GABRB2: variants seen among roughly 807,000 people sequenced by gnomAD.
The protein encoded by GABRB2 is gamma-aminobutyric acid receptor subunit beta-2.
Under a neutral mutation model 54.7 loss-of-function variants are expected in GABRB2, and 16 were observed. The ratio of observed to expected loss-of-function variants is 0.29; its 90% CI spans 0.20 to 0.44. The LOEUF is 0.44. Among genes scored for constraint, GABRB2 ranks in the 20% least tolerant of loss-of-function variants. The pLI is 1.00. For synonymous variants in GABRB2, 244 were observed against 233.8 expected (o/e 1.04, Z -0.40); for missense variants, 355 against 644.0 (o/e 0.55, Z 4.86).
intron 4 of GABRB2, among the ~76,000 whole-genome samples, chr5:161,456,480 A>G (rs1201266392): frequency 6.6e-6 from 1 of 152,184 alleles, no homozygotes; most frequent in Non-Finnish European, 1.5e-5. Flanking sequence ...TGTTCCCTGC[A>G]TGCTCTCAGG....
At chr5:161,367,212 T>C (rs1262491720) in intron 5 of GABRB2, among the ~76,000 whole-genome samples, 3 of 152,200 alleles carry the variant, frequency 2.0e-5, no homozygotes, top group African/African-American at 7.2e-5. Context: ...TTCTTCAAAT[T>C]ATCATTTTGC....
At chr5:161,502,293 GATTA>G (rs1342437881) in intron 3 of GABRB2, among the ~76,000 whole-genome samples, 29 of 151,930 alleles carry the variant, frequency 1.9e-4, no homozygotes, top group African/African-American at 6.5e-4. Context: ...GATAAAAATA[GATTA>G]ATTAAAATAT....
upstream of GABRB2, chr5:161,546,778 G>A: frequency 1.4e-6 from 2 of 1,475,504 alleles, no homozygotes; most frequent in Non-Finnish European, 1.8e-6. Context: ...GGCGGCTGCC[G>A]GGGACCGAGC....
intron 3 of GABRB2, among the ~76,000 whole-genome samples, chr5:161,486,227 T>A (rs938549392): frequency 1.3e-5 from 2 of 151,614 alleles, no homozygotes; most frequent in Admixed American, 1.3e-4. Context: ...AGGCAAAGGG[T>A]CTTCCTCTTC....
intron 3 of GABRB2, among the ~76,000 whole-genome samples, chr5:161,475,700 G>GA (rs1220778141): frequency 1.3e-5 from 2 of 151,638 alleles, no homozygotes; most frequent in Non-Finnish European, 2.9e-5. Context: ...ACAAAATTAA[G>GA]AAAAAATCAT....
At chr5:161,353,775 A>G (rs1360344700) in intron 5 of GABRB2, among the ~76,000 whole-genome samples, 1 of 152,016 alleles carries the variant, frequency 6.6e-6, no homozygotes, top group Non-Finnish European at 1.5e-5. Flanking sequence ...TAAAACTTGG[A>G]TATTCCTTAG....
At chr5:161,299,962 A>G (rs1299116059) in intron 9 of GABRB2, among the ~76,000 whole-genome samples, 3 of 152,186 alleles carry the variant, frequency 2.0e-5, no homozygotes, top group African/African-American at 7.2e-5. Flanking sequence ...GTTGGGTTTC[A>G]ATATTTTAGG....
chr5:161,463,347 A>ACACACACC (rs1469710953), intron 3 of GABRB2, among the ~76,000 whole-genome samples: 2 of 145,006 alleles, frequency 1.4e-5, no homozygotes, highest in African/African-American at 5.1e-5. Flanking sequence ...ACACACACAC[A>ACACACACC]CCTGCAGCCA....
At chr5:161,441,221 G>A (rs1316416362) in intron 4 of GABRB2, among the ~76,000 whole-genome samples, 10 of 152,228 alleles carry the variant, frequency 6.6e-5, no homozygotes, top group Non-Finnish European at 1.5e-4. Context: ...CATCTGAAAA[G>A]GAATCAATAA....
At chr5:161,472,675 T>C (rs1278615127) in intron 3 of GABRB2, among the ~76,000 whole-genome samples, 3 of 151,888 alleles carry the variant, frequency 2.0e-5, no homozygotes, top group Non-Finnish European at 4.4e-5. Flanking sequence ...TCCCTAGTTT[T>C]GGCAGAGGGT....
Position 161,480,816 on chromosome 5 carries a change from C to A in GABRB2, c.238-20972G>T, listed in dbSNP as rs115582405. On this transcript the variant is annotated intron_variant, in intron 3 of 9. Coordinates refer to ENST00000393959, the MANE Select transcript of GABRB2 (RefSeq NM_001371727.1). ...TGCACTTCATAACATTTAAAAAGTG[C>A]CACTTTTATCCATTAAGAAATGCAT... Among the ~76,000 whole-genome samples the A allele has an allele frequency of 2.7e-3, 410 of 151,980 alleles. 4 individuals carry two copies. Among genetic ancestry groups the A allele is most frequent in the African/African-American group, 9.6e-3 (399 of 41,478 alleles).
intron 3 of GABRB2, among the ~76,000 whole-genome samples, chr5:161,489,134 T>C (rs1439291046): frequency 1.3e-5 from 2 of 151,762 alleles, no homozygotes; most frequent in Non-Finnish European, 3.0e-5. Flanking sequence ...ATGGATGGCT[T>C]GTGAGTAACA....
intron 5 of GABRB2, among the ~76,000 whole-genome samples, chr5:161,387,809 T>C (rs1755693104): frequency 6.6e-6 from 1 of 152,198 alleles, no homozygotes; most frequent in African/African-American, 2.4e-5. Context: ...TAAACTATAA[T>C]AGACTAGCAC....
chr5:161,545,342 T>C, intron 2 of GABRB2, 48 bp from the exon 3 acceptor site: 1 of 1,469,858 alleles, frequency 6.8e-7, no homozygotes, highest in Non-Finnish European at 9.3e-7. Flanking sequence ...ACTTCATTCA[T>C]TCTCAGCAAG....
chr5:161,503,137 T>C (rs1759499582), intron 3 of GABRB2, among the ~76,000 whole-genome samples: 1 of 151,868 alleles, frequency 6.6e-6, no homozygotes, highest in African/African-American at 2.4e-5. Flanking sequence ...TATTGTTTTT[T>C]TTTTTCCAGA....
At chr5:161,447,460 G>C (rs886991081) in intron 4 of GABRB2, among the ~76,000 whole-genome samples, 4 of 152,148 alleles carry the variant, frequency 2.6e-5, no homozygotes, top group African/African-American at 9.7e-5. Flanking sequence ...ATTATGGCTA[G>C]TGGGAACAAT....
At chr5:161,323,442 T>A (rs541986571) in intron 9 of GABRB2, among the ~76,000 whole-genome samples, 1 of 151,956 alleles carries the variant, frequency 6.6e-6, no homozygotes, top group African/African-American at 2.4e-5. Context: ...TTTGTTTAGA[T>A]GCTTCATCTT....
chr5:161,361,613 G>A (rs1311292042), intron 5 of GABRB2, among the ~76,000 whole-genome samples: 1 of 152,166 alleles, frequency 6.6e-6, no homozygotes, highest in African/African-American at 2.4e-5. Flanking sequence ...GAGAATTTGA[G>A]TTTTCTTGCC....
chr5:161,487,383 T>C (rs1758959502), intron 3 of GABRB2, among the ~76,000 whole-genome samples: 1 of 151,930 alleles, frequency 6.6e-6, no homozygotes. Context: ...TCATTGTCAT[T>C]CCCATTGCCC....
Sources: gnomAD v4.1 joint callset for allele counts (sites outside exome capture counted in the v4.1 genomes callset) on GRCh38, gnomAD v4.1.1 for gene constraint, MANE v1.5 for transcripts, NCBI Gene and HGNC (gene_info 2026-07-23, HGNC 2026-07-21) for gene names.